Variants in BAG1 observed in about 807,000 individuals in gnomAD.
BAG1 encodes BAG cochaperone 1.
BAG1 carries 35 observed loss-of-function variants against 35.5 expected under a neutral mutation model. The observed-to-expected ratio is 0.99, with a 90% confidence interval of 0.75 to 1.31. The LOEUF is 1.31. BAG1 is among the 50% of genes most tolerant of loss of function. The pLI is 0.00. For synonymous variants in BAG1, 191 were observed against 178.9 expected (o/e 1.07, Z -0.54); for missense variants, 464 against 453.6 (o/e 1.02, Z -0.21).
Position 33,255,218 on chromosome 9 carries a change from C to T in BAG1, c.*1G>A, listed in dbSNP as rs763545045. On this transcript the variant is annotated 3_prime_UTR_variant, in exon 7 of 7. Coordinates refer to ENST00000634734, the MANE Select transcript of BAG1 (RefSeq NM_004323.6). ...GCAGCACAGCCTTTTTCTGCTACAC[C>T]TCACTCGGCCAGGGCAAAGTTTGTA... 2 of 1,614,210 alleles carry T rather than the reference C, an allele frequency of 1.2e-6. No individual in the cohort carries two copies. The highest frequency in any genetic ancestry group is 1.7e-5 in the Admixed American group (1 of 60,026).
intron 3 of BAG1, chr9:33,260,187 C>T (rs1329083456): frequency 6.6e-6 from 1 of 152,204 alleles, no homozygotes; most frequent in Non-Finnish European, 1.5e-5. Flanking sequence ...TCACACTTCG[C>T]TCCATACGCT....
At chr9:33,260,481 C>G (rs1820545407) in intron 3 of BAG1, 1 of 152,234 alleles carries the variant, frequency 6.6e-6, no homozygotes, top group Non-Finnish European at 1.5e-5. Flanking sequence ...TGCCCTCTCT[C>G]TACTCAGCCA....
At chr9:33,258,593 C>T (rs1466811075) in intron 4 of BAG1, among the ~76,000 whole-genome samples, 1 of 152,182 alleles carries the variant, frequency 6.6e-6, no homozygotes, top group Non-Finnish European at 1.5e-5. Flanking sequence ...CCTAGCAAGG[C>T]AGGTGCTCTC....
rs757323482 is a variant in BAG1, at chr9:33,262,204, T to C, written c.580+498A>G. 9 of 1,288,970 alleles carry C rather than the reference T, an allele frequency of 7.0e-6. No individual in the cohort carries two copies. The African/African-American group carries it at 1.2e-4, about 17-fold the overall frequency. The allele number at this position is 1,288,970 out of a possible 1,614,324, so 79.8% of individuals were successfully genotyped here. ...TGACACCTGTCCAGGTGTTTGAGAG[T>C]GTCCAATACCTAGCAGGTCCTCAAT... On this transcript the variant is annotated intron_variant, in intron 2 of 6. Transcript: ENST00000634734.
In BAG1 at chr9:33,259,018, C is replaced by T. The variant is rs1820514187; in HGVS notation, c.679G>A (p.Glu227Lys). The stretch of plus-strand genomic sequence containing the variant: ...TGTTTCAACTTCTTTAGTTCAACCT[C>T]TTCCTGTGGACTGTTCTAAAATGTT... Residue 227 changes from glutamate (E) to lysine (K), a missense_variant, in exon 4 of 7, where the codon GAG (glutamate) becomes AAG (lysine). Transcript: ENST00000634734. 1 of 1,613,812 alleles carries T rather than the reference C, an allele frequency of 6.2e-7. No homozygotes were observed. Among genetic ancestry groups the T allele is most frequent in the Non-Finnish European group, 8.5e-7 (1 of 1,179,798 alleles).
intron 4 of BAG1, 51 bp downstream of exon 4, chr9:33,258,868 TC>T: frequency 6.8e-7 from 1 of 1,477,452 alleles, no homozygotes; most frequent in African/African-American, 1.4e-5. Context: ...ACAAGTTATA[TC>T]CAGGAAGCTC....
In BAG1 at chr9:33,264,233, C is replaced by T. The variant is rs777230079; in HGVS notation, c.442G>A (p.Val148Ile). ...GGCGCCCGACACTCACTGTGGGTGACAGTCACGGTGAGCCCAGCTGCCGCC... is the reference window on the plus strand; with the variant it reads ...GGCGCCCGACACTCACTGTGGGTGATAGTCACGGTGAGCCCAGCTGCCGCC... Residue 148 changes from valine to isoleucine, a missense_variant, in exon 1 of 7, where the codon GTC becomes ATC. Physicochemically the swap from Val to Ile is conservative, Grantham distance 29. Coordinates refer to ENST00000634734, the MANE Select transcript of BAG1 (RefSeq NM_004323.6). 2 of 1,607,118 alleles carry T rather than the reference C, an allele frequency of 1.2e-6. No homozygotes were observed. Among genetic ancestry groups the T allele is most frequent in the Admixed American group, 3.4e-5 (2 of 59,300 alleles).
intron 3 of BAG1, among the ~76,000 whole-genome samples, chr9:33,260,645 G>A (rs895347261): frequency 2.0e-5 from 3 of 152,212 alleles, no homozygotes; most frequent in Admixed American, 6.5e-5. Flanking sequence ...CTTTCCAGTC[G>A]AAGGTTTTCC....
At position 33,264,599 on chromosome 9, in the gene BAG1, G is replaced by C. The variant is rs558715511; in HGVS notation, c.76C>G (p.Pro26Ala). 1 of 1,379,986 alleles carries C rather than the reference G, an allele frequency of 7.2e-7. No homozygotes were observed. Among genetic ancestry groups the C allele is most frequent in the East Asian group, 3.0e-5 (1 of 33,866 alleles). 85.5% of individuals were successfully genotyped at this position (1,379,986 alleles called of 1,614,324 possible). ...TCCGACTGGCGCGGCTCCCGGCCTG[G>C]CCGAAGGGCGCGCAGCCGGGAACCC... Residue 26 changes from proline to alanine, a missense_variant, in exon 1 of 7, where the codon CCA (proline) becomes GCA (alanine). Transcript: ENST00000634734.
Position 33,253,660 on chromosome 9 carries a change from A to G in BAG1, c.*1559T>C, listed in dbSNP as rs1004926499. The G allele has an allele frequency of 6.6e-6, 1 of 151,878 alleles. No homozygotes were observed. Among genetic ancestry groups the G allele is most frequent in the African/African-American group, 2.4e-5 (1 of 41,308 alleles). The allele number at this position is 151,878 out of a possible 1,614,324, so 9.4% of individuals were successfully genotyped here. ...GACTTCAACGACTCTCTCTCTGCCA[A>G]ATGATGTGAGTCTTTAGGTAGAGTT... is the stretch of plus-strand genomic sequence containing the variant. On this transcript the variant is annotated 3_prime_UTR_variant, in exon 7 of 7. Coordinates refer to ENST00000634734, the MANE Select transcript of BAG1 (RefSeq NM_004323.6).
intron 3 of BAG1, 145 bp from the exon 4 acceptor site, chr9:33,259,178 T>A (rs572161597): frequency 3.6e-6 from 2 of 563,204 alleles, no homozygotes; most frequent in Non-Finnish European, 6.2e-6. Flanking sequence ...CTGGCCAACA[T>A]GGTGAAACAC....
intron 4 of BAG1, 44 bp from the exon 5 acceptor site, chr9:33,256,952 A>C (rs768587971): frequency 4.8e-6 from 7 of 1,460,538 alleles, no homozygotes; most frequent in Non-Finnish European, 6.7e-6. Context: ...TCTGAGGCTG[A>C]CGGAAGACTC....
Position 33,252,518 on chromosome 9 carries a change from T to A in BAG1, c.*2701A>T, listed in dbSNP as rs1277095628. 1 of 150,848 alleles carries A rather than the reference T, an allele frequency of 6.6e-6. No individual in the cohort carries two copies. Among genetic ancestry groups the A allele is most frequent in the Non-Finnish European group, 1.5e-5 (1 of 67,820 alleles). 9.3% of individuals were successfully genotyped at this position (150,848 alleles called of 1,614,324 possible). On this transcript the variant is annotated 3_prime_UTR_variant, in exon 7 of 7. Coordinates refer to ENST00000634734, the MANE Select transcript of BAG1 (RefSeq NM_004323.6). ...AGGTCTTACTATATACAAGACTATA[T>A]AACAAGTTATGCTTGTTATATATGT...
intron 4 of BAG1, among the ~76,000 whole-genome samples, chr9:33,258,284 G>A (rs1820497447): frequency 8.2e-6 from 1 of 122,140 alleles, no homozygotes; most frequent in African/African-American, 3.2e-5. Context: ...GGGTGACAGA[G>A]CGAGACTCCA....
At chr9:33,256,478 T>A (rs1468808597) in intron 5 of BAG1, among the ~76,000 whole-genome samples, 2 of 152,250 alleles carry the variant, frequency 1.3e-5, no homozygotes, top group African/African-American at 4.8e-5. Context: ...TCAGAGAAAG[T>A]TAAATCCTCT....
At chr9:33,260,496 A>G (rs1820545703) in intron 3 of BAG1, 1 of 152,064 alleles carries the variant, frequency 6.6e-6, no homozygotes, top group African/African-American at 2.4e-5. Flanking sequence ...CAGCCACCTA[A>G]CTCACAATAA....
At position 33,264,519 on chromosome 9, in the gene BAG1, A is replaced by C; in HGVS notation, c.156T>G (p.Thr52=). Residue 52 remains threonine, a synonymous_variant, in exon 1 of 7, where the codon ACT becomes ACG. Transcript: ENST00000634734. ...TGGTGGGTCGGTCATGCCCGCTGGC[A>C]GTACTCCGGGCAGGTGGACGCCCAG... The C allele has an allele frequency of 2.5e-6, 4 of 1,594,588 alleles. No homozygotes were observed. Among genetic ancestry groups the C allele is most frequent in the Non-Finnish European group, 3.4e-6 (4 of 1,172,900 alleles).
chr9:33,261,782 C>G, intron 2 of BAG1: 1 of 779,712 alleles, frequency 1.3e-6, no homozygotes, highest in Non-Finnish European at 1.6e-6. Context: ...CAGTGGATAC[C>G]AGAATGATAG....
intron 1 of BAG1, 163 bp downstream of exon 1, chr9:33,264,061 G>T: frequency 1.2e-6 from 1 of 851,844 alleles, no homozygotes; most frequent in Non-Finnish European, 1.8e-6. Context: ...ACAGACACAA[G>T]CCCGGGACAA....
Sources: allele counts gnomAD v4.1 joint callset (sites outside exome capture counted in the v4.1 genomes callset), GRCh38; gene constraint gnomAD v4.1.1; transcripts MANE v1.5; gene names NCBI Gene and HGNC (gene_info 2026-07-23, HGNC 2026-07-21).